VPS13A: variants seen among roughly 807,000 people sequenced by gnomAD.
VPS13A encodes the protein vacuolar protein sorting 13 homolog A.
A neutral mutation model predicts 390.9 loss-of-function variants in VPS13A; 264 were observed. The ratio of observed to expected loss-of-function variants is 0.68; its 90% CI spans 0.61 to 0.75. VPS13A has a LOEUF of 0.75. Among genes scored for constraint, VPS13A ranks in the 30% least tolerant of loss-of-function variants. The probability of loss-of-function intolerance (pLI) is 0.00; values close to 1 mark genes in which losing one functional copy is unlikely to be tolerated. For synonymous variants in VPS13A, 1,231 were observed against 1,227.1 expected, an observed-to-expected ratio of 1.00 and a Z score of -0.07; for missense variants, 3,409 against 3,733.9, an observed-to-expected ratio of 0.91 and a Z score of 2.27.
At chr9:77,376,178 C>G (rs1174336501) in intron 67 of VPS13A, among the ~76,000 whole-genome samples, 1 of 152,114 alleles carries the variant, frequency 6.6e-6, no homozygotes, top group African/African-American at 2.4e-5. Context: ...TGTGCTTGGC[C>G]TATTTGAGAA....
At chr9:77,332,773 A>T (rs1464834298) in intron 46 of VPS13A, among the ~76,000 whole-genome samples, 2 of 152,206 alleles carry the variant, frequency 1.3e-5, no homozygotes, top group African/African-American at 2.4e-5. Context: ...AACTGTTCTC[A>T]GAATTAAGCA....
At chr9:77,242,227 G>A (rs1380538524) in intron 19 of VPS13A, among the ~76,000 whole-genome samples, 1 of 152,018 alleles carries the variant, frequency 6.6e-6, no homozygotes, top group African/African-American at 2.4e-5. Flanking sequence ...TGGTAGATAT[G>A]AGATATACTA....
At chr9:77,291,736 G>A (rs543177106) in intron 31 of VPS13A, among the ~76,000 whole-genome samples, 1 of 152,240 alleles carries the variant, frequency 6.6e-6, no homozygotes, top group South Asian at 2.1e-4. Context: ...ATGTATTTGG[G>A]GAGAAGGCAA....
intron 41 of VPS13A, among the ~76,000 whole-genome samples, 170 bp from the exon 42 acceptor site, chr9:77,319,402 G>T (rs1010577466): frequency 1.3e-5 from 2 of 152,172 alleles, no homozygotes; most frequent in South Asian, 4.2e-4. Context: ...TGTGAAGAGC[G>T]AATATGTACT....
intron 68 of VPS13A, among the ~76,000 whole-genome samples, chr9:77,393,368 CCAGA>C (rs1218099044): frequency 6.6e-6 from 1 of 152,174 alleles, no homozygotes; most frequent in Admixed American, 6.5e-5. Flanking sequence ...TCCACTTTTT[CCAGA>C]CAAACTCCTG....
At chr9:77,238,216 G>C in intron 18 of VPS13A, 25 bp downstream of exon 18, 2 of 1,606,270 alleles carry the variant, frequency 1.2e-6, no homozygotes, top group Non-Finnish European at 1.7e-6. Context: ...AAATTACTAA[G>C]TTTTAATATA....
chr9:77,336,948 C>A (rs944510371), intron 46 of VPS13A, among the ~76,000 whole-genome samples: 11 of 151,582 alleles, frequency 7.3e-5, no homozygotes, highest in Non-Finnish European at 1.0e-4. Flanking sequence ...AGGCGCCCAT[C>A]ACCATGCCCG....
At chr9:77,405,147 A>G (rs551097628) in intron 69 of VPS13A, among the ~76,000 whole-genome samples, 30 of 152,230 alleles carry the variant, frequency 2.0e-4, no homozygotes, top group Non-Finnish European at 4.3e-4. Context: ...TCTTTCTTCA[A>G]AATGGGAAAA....
Position 77,238,037 on chromosome 9 carries a change from G to C in VPS13A, c.1631G>C (p.Gly544Ala). 1 of 1,611,192 alleles carries C rather than the reference G, an allele frequency of 6.2e-7. No individual in the cohort carries two copies. The highest frequency in any genetic ancestry group is 1.3e-5 in the African/African-American group (1 of 74,348). ...ETKIDSFHIT[G>A]LPDNSEKPRL... ...AAAATAGATTCATTTCATATTACTGGCTTACCAGATAATTCAGAAAAACCC... is the reference window on the plus strand; with the variant it reads ...AAAATAGATTCATTTCATATTACTGCCTTACCAGATAATTCAGAAAAACCC... Residue 544 changes from glycine (G) to alanine (A), a missense_variant, in exon 18 of 72, where the codon GGC (glycine) becomes GCC (alanine). Coordinates refer to ENST00000360280, the MANE Select transcript of VPS13A (RefSeq NM_033305.3).
intron 9 of VPS13A, among the ~76,000 whole-genome samples, chr9:77,214,070 G>A (rs1033223941): frequency 2.6e-5 from 4 of 152,026 alleles, no homozygotes; most frequent in African/African-American, 9.7e-5. Flanking sequence ...GAGGTCAAGA[G>A]TTCAAGACCA....
chr9:77,387,585 CT>C (rs1467128423), intron 68 of VPS13A, among the ~76,000 whole-genome samples: 1 of 152,080 alleles, frequency 6.6e-6, no homozygotes, highest in African/African-American at 2.4e-5. Flanking sequence ...ATTGTGGACA[CT>C]CATAACCATA....
chr9:77,196,633 G>T (rs565206253), intron 1 of VPS13A, among the ~76,000 whole-genome samples: 5 of 151,174 alleles, frequency 3.3e-5, no homozygotes, highest in Non-Finnish European at 7.4e-5. Flanking sequence ...TTCCAGGTGC[G>T]TCTGTGTTGC....
At chr9:77,334,450 T>G (rs546138013) in intron 46 of VPS13A, among the ~76,000 whole-genome samples, 1 of 152,182 alleles carries the variant, frequency 6.6e-6, no homozygotes, top group African/African-American at 2.4e-5. Context: ...CCTTGAACTT[T>G]CCTTTGACGT....
rs1829267238 is a variant in VPS13A, at chr9:77,314,442, ACACT to A, written c.4243-52_4243-49del. The A allele has an allele frequency of 3.2e-6, 5 of 1,542,156 alleles. No homozygotes were observed. In the Admixed American group the frequency reaches 8.4e-5, roughly 26 times the overall value. On this transcript the variant is annotated intron_variant, in intron 36 of 71. Coordinates refer to ENST00000360280, the MANE Select transcript of VPS13A (RefSeq NM_033305.3). The stretch of plus-strand genomic sequence containing the variant: ...TTTGTAGTAGTTCATATCATGAAAT[ACACT>A]TTAGACTTGTGTTTCTTTGTAATTT...
intron 1 of VPS13A, among the ~76,000 whole-genome samples, chr9:77,191,685 A>G (rs1364926072): frequency 1.3e-5 from 2 of 152,072 alleles, no homozygotes; most frequent in Non-Finnish European, 2.9e-5. Flanking sequence ...ATGGAATTGT[A>G]TGGTTTTGAG....
At chr9:77,354,306 A>G (rs1015761019) in intron 54 of VPS13A, among the ~76,000 whole-genome samples, 3 of 152,120 alleles carry the variant, frequency 2.0e-5, no homozygotes, top group Admixed American at 1.3e-4. Flanking sequence ...ACATTAATCT[A>G]TACGTGTCCC....
intron 68 of VPS13A, 188 bp downstream of exon 68, chr9:77,382,275 A>G: frequency 6.6e-7 from 1 of 1,510,320 alleles, no homozygotes; most frequent in Non-Finnish European, 8.8e-7. Flanking sequence ...TTTCTTTTTT[A>G]CAGGCATCAA....
chr9:77,292,466 G>T (rs189101474), intron 31 of VPS13A, among the ~76,000 whole-genome samples: 6 of 151,952 alleles, frequency 3.9e-5, no homozygotes, highest in African/African-American at 1.2e-4. Context: ...TAGTTTATCG[G>T]GTTTTTTTTC....
chr9:77,266,999 T>C (rs996701871), intron 23 of VPS13A, among the ~76,000 whole-genome samples: 20 of 152,080 alleles, frequency 1.3e-4, no homozygotes, highest in African/African-American at 4.6e-4. Context: ...CATGCTGTGT[T>C]TTCCCACTCC....
Sources: allele counts gnomAD v4.1 joint callset (sites outside exome capture counted in the v4.1 genomes callset), GRCh38; gene constraint gnomAD v4.1.1; transcripts MANE v1.5; gene names NCBI Gene and HGNC (gene_info 2026-07-23, HGNC 2026-07-21).